The following ERLEC1 variants were observed in gnomAD, a reference collection of about 807,000 sequenced individuals.
The protein encoded by ERLEC1 is ER lectin.
ERLEC1 carries 47 observed loss-of-function variants against 68.0 expected under a neutral mutation model. The observed-to-expected ratio is 0.69, with a 90% CI of 0.55 to 0.88. The LOEUF (loss-of-function observed/expected upper bound fraction) is 0.88. ERLEC1 is among the 40% of genes least tolerant of loss of function. ERLEC1 has a pLI of 0.00. For missense variants in ERLEC1, 567 were observed against 583.8 expected (o/e 0.97, Z 0.30); for synonymous variants, 225 against 203.2 (o/e 1.11, Z -0.91).
intron 8 of ERLEC1, among the ~76,000 whole-genome samples, chr2:53,803,845 A>G (rs1396152957): frequency 1.3e-5 from 2 of 151,898 alleles, no homozygotes; most frequent in African/African-American, 2.4e-5. Context: ...AATATTTAGC[A>G]TAGGCCAGGC....
chr2:53,809,364 T>A, intron 10 of ERLEC1, 91 bp downstream of exon 10: 1 of 909,970 alleles, frequency 1.1e-6, no homozygotes, highest in Non-Finnish European at 1.6e-6. Flanking sequence ...GGTATAACTT[T>A]TAATTATGAG....
Position 53,813,083 on chromosome 2 carries a change from C to A in ERLEC1, c.1226+10C>A, listed in dbSNP as rs1186363640. On this transcript the variant is annotated intron_variant, in intron 11 of 13. Transcript: ENST00000185150. The stretch of plus-strand genomic sequence containing the variant: ...GTACCCAGACAGTCAGGTAAAGATT[C>A]ACTTTACTTGCCTTTGGAGCTAATT... 3 of 1,603,716 alleles carry A rather than the reference C, an allele frequency of 1.9e-6. No homozygotes were observed. The African/African-American group carries it at 4.0e-5, about 22-fold the overall frequency.
intron 8 of ERLEC1, among the ~76,000 whole-genome samples, chr2:53,805,108 C>T (rs966098980): frequency 6.6e-6 from 1 of 150,964 alleles, no homozygotes; most frequent in African/African-American, 2.4e-5. Flanking sequence ...GATTCTCCTC[C>T]AACTCCTGGT....
chr2:53,806,430 C>T (rs569809438), intron 8 of ERLEC1, among the ~76,000 whole-genome samples: 1 of 152,216 alleles, frequency 6.6e-6, no homozygotes, highest in East Asian at 1.9e-4. Context: ...CATGTATTCC[C>T]AGGTTATTAG....
chr2:53,788,506 G>C (rs1280929096), intron 1 of ERLEC1: 1 of 151,886 alleles, frequency 6.6e-6, no homozygotes, highest in South Asian at 2.1e-4. Flanking sequence ...GGGCTCAAGA[G>C]ATCTCCTCAG....
chr2:53,812,245 C>A (rs923118072), intron 10 of ERLEC1, among the ~76,000 whole-genome samples: 1 of 152,020 alleles, frequency 6.6e-6, no homozygotes, highest in East Asian at 1.9e-4. Flanking sequence ...AACCAGATAT[C>A]TATTAGTGCC....
intron 8 of ERLEC1, among the ~76,000 whole-genome samples, chr2:53,805,572 A>G (rs901689297): frequency 6.6e-6 from 1 of 152,156 alleles, no homozygotes; most frequent in African/African-American, 2.4e-5. Context: ...GGTTGTTTCC[A>G]AATGTTGGCT....
At chr2:53,797,306 A>G (rs924744434) in intron 3 of ERLEC1, among the ~76,000 whole-genome samples, 16 of 152,226 alleles carry the variant, frequency 1.1e-4, no homozygotes, top group South Asian at 4.1e-4. Context: ...TTCTAGACCT[A>G]TTTCCTTCAC....
Position 53,813,018 on chromosome 2 carries a change from A to G in ERLEC1, c.1171A>G (p.Lys391Glu), listed in dbSNP as rs1453857523. 5 of 1,613,950 alleles carry G rather than the reference A, an allele frequency of 3.1e-6. No individual in the cohort carries two copies. In the South Asian group the frequency reaches 5.5e-5, roughly 18 times the overall value. The change falls in exon 11 of 14, where the codon AAG becomes GAG. Residue 391 changes from lysine to glutamate, a missense_variant. Transcript: ENST00000185150. ...CCAAGAAGAGCATATTGAATGGGCT[A>G]AGAAGAATACTGCTAGAGCTTATCA... is the stretch of plus-strand genomic sequence containing the variant. ...WNQEEHIEWA[K>E]KNTARAYHLQ... is the part of the protein sequence containing the mutation.
At position 53,787,070 on chromosome 2, in the gene ERLEC1, A is replaced by C. The variant is rs961830409; in HGVS notation, c.-141A>C. On this transcript the variant is annotated 5_prime_UTR_variant, in exon 1 of 14. Coordinates refer to ENST00000185150, the MANE Select transcript of ERLEC1 (RefSeq NM_015701.5). ...GAGGCGGCGTTGCCGGGCTCTCCGG[A>C]AGGAGACGTGGCGGCGGTTGGGCCG... 66 of 1,196,938 alleles carry C rather than the reference A, an allele frequency of 5.5e-5. No homozygotes were observed. Among genetic ancestry groups the C allele is most frequent in the Non-Finnish European group, 6.6e-5 (59 of 895,656 alleles). The allele number at this position is 1,196,938 out of a possible 1,614,324, so 74.1% of individuals were successfully genotyped here.
chr2:53,797,350 A>C (rs1340241289), intron 3 of ERLEC1, among the ~76,000 whole-genome samples, 165 bp from the exon 4 acceptor site: 1 of 152,236 alleles, frequency 6.6e-6, no homozygotes, highest in Non-Finnish European at 1.5e-5. Context: ...AAAATAATGA[A>C]TAGACTTCAG....
Position 53,809,213 on chromosome 2 carries a change from G to T in ERLEC1, c.1042-1G>T, listed in dbSNP as rs1676460153. The stretch of plus-strand genomic sequence containing the variant: ...ATCTAATATGTTTTCTTTTTTTTTA[G>T]GGTGTCGGTTGGTGGAAATATGAAT... On this transcript the variant is annotated splice_acceptor_variant, in intron 9 of 13. Coordinates refer to ENST00000185150, the MANE Select transcript of ERLEC1 (RefSeq NM_015701.5). LOFTEE classifies it high-confidence loss of function. 6.3e-7 allele frequency: 1 copy of T among 1,580,978 alleles called. No homozygotes were observed. The highest frequency in any genetic ancestry group is 8.5e-7 in the Non-Finnish European group (1 of 1,170,286).
chr2:53,797,884 G>A, intron 5 of ERLEC1, 89 bp downstream of exon 5: 1 of 1,187,482 alleles, frequency 8.4e-7, no homozygotes, highest in Non-Finnish European at 1.2e-6. Context: ...TTTTTTTTTG[G>A]ACATTGTGTG....
chr2:53,807,091 T>C (rs1676334856), intron 8 of ERLEC1, among the ~76,000 whole-genome samples: 1 of 152,174 alleles, frequency 6.6e-6, no homozygotes, highest in Admixed American at 6.5e-5. Context: ...TCACAGCACA[T>C]CTTTGCCTAA....
intron 13 of ERLEC1, 128 bp from the exon 14 acceptor site, chr2:53,817,770 G>T: frequency 1.6e-6 from 1 of 612,614 alleles, no homozygotes; most frequent in East Asian, 2.6e-5. Context: ...TAGAAATAAT[G>T]TTGGATGTTT....
Position 53,808,349 on chromosome 2 carries a change from G to T in ERLEC1, c.930G>T (p.Ser310=). 6.2e-7 allele frequency: 1 copy of T among 1,614,136 alleles called. No homozygotes were observed. Among genetic ancestry groups the T allele is most frequent in the Non-Finnish European group, 8.5e-7 (1 of 1,180,018 alleles). The change falls in exon 9 of 14, where the codon TCG becomes TCT. Residue 310 remains serine, a synonymous_variant. Coordinates refer to ENST00000185150, the MANE Select transcript of ERLEC1 (RefSeq NM_015701.5). The part of the protein sequence containing the change: ...KEERFPAIHK[S]IAIGSQPVLT... ...AGAGATTTCCAGCGATCCACAAGTC[G>T]ATTGCTATTGGCTCTCAGCCAGTGC... is the stretch of plus-strand genomic sequence containing the variant.
At position 53,794,341 on chromosome 2, in the gene ERLEC1, G is replaced by T. The variant is rs1220034187; in HGVS notation, c.163-4G>T. ...ATAATGTATGTTTTTTCTTCTATTT[G>T]CAGCCCACAACTGGAGTTTTATATA... On this transcript the variant is annotated splice_polypyrimidine_tract_variant and splice_region_variant and intron_variant, in intron 1 of 13. Transcript: ENST00000185150. 7.1e-7 allele frequency: 1 copy of T among 1,402,402 alleles called. No homozygotes were observed. Among genetic ancestry groups the T allele is most frequent in the South Asian group, 1.3e-5 (1 of 74,942 alleles). The allele number at this position is 1,402,402 out of a possible 1,614,324, so 86.9% of individuals were successfully genotyped here. A position where few individuals can be genotyped will look rare whatever the true frequency, so the allele number is the denominator to read the frequency against.
At chr2:53,796,702 A>G (rs1675724733) in intron 3 of ERLEC1, among the ~76,000 whole-genome samples, 1 of 151,986 alleles carries the variant, frequency 6.6e-6, no homozygotes, top group Admixed American at 6.5e-5. Context: ...CACCCGCCTC[A>G]GCCTTTTAAA....
At chr2:53,808,754 G>C (rs1676434525) in intron 9 of ERLEC1, among the ~76,000 whole-genome samples, 1 of 151,996 alleles carries the variant, frequency 6.6e-6, no homozygotes, top group East Asian at 1.9e-4. Flanking sequence ...CCCACATTTT[G>C]GTTATGTAGC....
Sources: allele counts gnomAD v4.1 joint callset (sites outside exome capture counted in the v4.1 genomes callset), GRCh38; gene constraint gnomAD v4.1.1; transcripts MANE v1.5; gene names NCBI Gene and HGNC (gene_info 2026-07-23, HGNC 2026-07-21).